The following LOC400499 variants were observed in gnomAD, a reference collection of about 807,000 sequenced individuals.
the LOC400499 span, chr16:11,396,670 G>C: frequency 8.1e-7 from 1 of 1,231,936 alleles, no homozygotes; most frequent in Non-Finnish European, 1.0e-6. Flanking sequence ...CGACGACCAA[G>C]AGGGCCTGGG....
At chr16:11,464,071 T>C in the LOC400499 span, among the ~76,000 whole-genome samples, 1 of 152,226 alleles carries the variant, frequency 6.6e-6, no homozygotes, top group African/African-American at 2.4e-5. Flanking sequence ...TGTGTACAGA[T>C]ATGTGTGTAT....
At chr16:11,384,744 AG>A in the LOC400499 span, 1 of 662,076 alleles carries the variant, frequency 1.5e-6, no homozygotes, top group African/African-American at 1.9e-5. Context: ...TGAGGAGTTG[AG>A]GGCACACGCG....
chr16:11,438,878 TG>T, the LOC400499 span, among the ~76,000 whole-genome samples: 1 of 152,146 alleles, frequency 6.6e-6, no homozygotes, highest in South Asian at 2.1e-4. Flanking sequence ...AAAGACAGCT[TG>T]GGGCCAAGAG....
At chr16:11,493,816 G>C in the LOC400499 span, 8 of 349,120 alleles carry the variant, frequency 2.3e-5, no homozygotes, top group African/African-American at 2.6e-5. Context: ...GATGGAGGTA[G>C]GACCATGAGG....
At chr16:11,495,076 G>A in the LOC400499 span, among the ~76,000 whole-genome samples, 1 of 152,126 alleles carries the variant, frequency 6.6e-6, no homozygotes, top group Admixed American at 6.5e-5. Context: ...GAGCATGGTG[G>A]TGTGTGCCTG....
chr16:11,460,183 A>G, the LOC400499 span: 4 of 807,812 alleles, frequency 5.0e-6, no homozygotes, highest in Admixed American at 4.0e-5. Flanking sequence ...AGAAAGCACT[A>G]TTTTTTTTTA....
At chr16:11,410,894 G>A in the LOC400499 span, among the ~76,000 whole-genome samples, 1 of 152,212 alleles carries the variant, frequency 6.6e-6, no homozygotes, top group East Asian at 1.9e-4. Context: ...GCAGAGATGG[G>A]GGTGACGCTG....
At chr16:11,494,743 C>G in the LOC400499 span, 5 of 399,010 alleles carry the variant, frequency 1.3e-5, no homozygotes, top group Non-Finnish European at 2.2e-5. Context: ...GGCTGGCCCT[C>G]GGGGTCTGGA....
chr16:11,491,515 G>T, the LOC400499 span, among the ~76,000 whole-genome samples: 2 of 152,122 alleles, frequency 1.3e-5, no homozygotes, highest in African/African-American at 4.8e-5. Flanking sequence ...ATTGCCATGT[G>T]GGGGAGGGGA....
At chr16:11,402,542 C>CCCCT in the LOC400499 span, among the ~76,000 whole-genome samples, 7 of 152,196 alleles carry the variant, frequency 4.6e-5, no homozygotes, top group Non-Finnish European at 1.0e-4. Context: ...CTCCCTTGAA[C>CCCCT]CCCTGTCCAG....
chr16:11,389,445 G>A, the LOC400499 span, among the ~76,000 whole-genome samples: 2 of 152,132 alleles, frequency 1.3e-5, no homozygotes, highest in African/African-American at 4.8e-5. Flanking sequence ...ACTTTGGGAG[G>A]CCAAGGCAGG....
the LOC400499 span, chr16:11,461,230 G>T: frequency 3.0e-6 from 4 of 1,335,590 alleles, no homozygotes; most frequent in African/African-American, 1.5e-5. Context: ...GGGGTTGGGG[G>T]CTCCTTGAAG....
the LOC400499 span, among the ~76,000 whole-genome samples, chr16:11,463,025 G>A: frequency 2.0e-5 from 3 of 152,148 alleles, no homozygotes; most frequent in African/African-American, 7.2e-5. Flanking sequence ...TCGAATGATG[G>A]CACACTAGCC....
the LOC400499 span, among the ~76,000 whole-genome samples, chr16:11,374,308 C>T: frequency 5.9e-5 from 9 of 152,132 alleles, no homozygotes; most frequent in African/African-American, 1.9e-4. Flanking sequence ...CACAGAGATG[C>T]TCAATATACA....
At chr16:11,400,973 C>G in the LOC400499 span, among the ~76,000 whole-genome samples, 1 of 152,134 alleles carries the variant, frequency 6.6e-6, no homozygotes, top group Admixed American at 6.5e-5. Context: ...ACTAAACAAG[C>G]AACTATAAAT....
the LOC400499 span, among the ~76,000 whole-genome samples, chr16:11,524,445 GA>G: frequency 7.0e-6 from 1 of 143,590 alleles, no homozygotes; most frequent in Admixed American, 7.2e-5. Flanking sequence ...CTTAGGATTT[GA>G]ACCCAGGCAC....
the LOC400499 span, chr16:11,398,215 A>G: frequency 2.8e-6 from 2 of 722,372 alleles, no homozygotes; most frequent in Non-Finnish European, 3.8e-6. Flanking sequence ...CAGCAGGCAA[A>G]TGGCAGAGCC....
At chr16:11,450,773 T>G in the LOC400499 span, 1 of 1,536,098 alleles carries the variant, frequency 6.5e-7, no homozygotes, top group Non-Finnish European at 8.7e-7. Context: ...CAGTATAGCC[T>G]GTGAGCTGCA....
chr16:11,523,799 A>G, the LOC400499 span, among the ~76,000 whole-genome samples: 2,667 of 151,728 alleles, frequency 0.018, 72 homozygotes, highest in African/African-American at 0.061. Flanking sequence ...TCCATCAACA[A>G]ATACAGGTCT....
Sources: gnomAD v4.1 joint callset for allele counts (sites outside exome capture counted in the v4.1 genomes callset) on GRCh38, gnomAD v4.1.1 for gene constraint, MANE v1.5 for transcripts.